The following DLG2 variants were observed in gnomAD, a reference collection of about 807,000 sequenced individuals.
The protein encoded by DLG2 is discs large MAGUK scaffold protein 2.
DLG2 carries 45 observed loss-of-function variants against 132.5 expected under a neutral mutation model. The ratio of observed to expected loss-of-function variants is 0.34; its 90% CI spans 0.27 to 0.44. The LOEUF is 0.44. Among genes scored for constraint, DLG2 ranks in the 20% least tolerant of loss-of-function variants. The pLI is 1.00. For synonymous variants in DLG2, 424 were observed against 419.6 expected, an observed-to-expected ratio of 1.01 and a Z score of -0.13; for missense variants, 1,045 against 1,196.9, an observed-to-expected ratio of 0.87 and a Z score of 1.87.
chr11:85,519,723 C>T (rs1180655754), intron 3 of DLG2, among the ~76,000 whole-genome samples: 8 of 152,088 alleles, frequency 5.3e-5, no homozygotes, highest in Admixed American at 5.2e-4. Context: ...TATGGTTTGG[C>T]TCATCCAAAT....
rs151108550 is a variant in DLG2 at position 83,939,236 on chromosome 11, T to C, written c.1341-8753A>G. 3.6e-3 allele frequency among the ~76,000 whole-genome samples: 545 copies of C among 152,338 alleles called. 3 individuals are homozygous for C. The highest frequency in any genetic ancestry group is 0.027 in the Middle Eastern group (8 of 294). ...TCCTTTGGGCCAAGTACACTCCCTG[T>C]CTATTCAGCTCTCGCTAGCAGATGA... On this transcript the variant is annotated intron_variant, in intron 14 of 27. Transcript: ENST00000376104.
chr11:84,331,909 T>A (rs2098461491), intron 7 of DLG2, among the ~76,000 whole-genome samples: 1 of 152,148 alleles, frequency 6.6e-6, no homozygotes, highest in African/African-American at 2.4e-5. Context: ...GTCCGAGACA[T>A]CCAAGTCGGA....
chr11:85,339,237 A>C (rs2082325752), intron 3 of DLG2, among the ~76,000 whole-genome samples: 1 of 152,164 alleles, frequency 6.6e-6, no homozygotes, highest in Non-Finnish European at 1.5e-5. Context: ...GATTTGCCAT[A>C]GCTTATGTAG....
At chr11:84,033,731 C>CT (rs932189823) in intron 11 of DLG2, among the ~76,000 whole-genome samples, 2 of 152,088 alleles carry the variant, frequency 1.3e-5, no homozygotes, top group African/African-American at 4.8e-5. Context: ...ACTTCAGTGT[C>CT]TTAGTTTTAA....
At chr11:84,864,912 G>T (rs1356346145) in intron 6 of DLG2, among the ~76,000 whole-genome samples, 2 of 152,080 alleles carry the variant, frequency 1.3e-5, no homozygotes, top group African/African-American at 4.8e-5. Context: ...AAGGCATGGA[G>T]ATATGAAAAT....
At chr11:83,797,801 A>C (rs2043237740) in intron 17 of DLG2, among the ~76,000 whole-genome samples, 1 of 152,186 alleles carries the variant, frequency 6.6e-6, no homozygotes, top group South Asian at 2.1e-4. Flanking sequence ...TACAGGCGTG[A>C]GCCACTGCAC....
At chr11:84,330,243 C>T (rs915502500) in intron 7 of DLG2, among the ~76,000 whole-genome samples, 5 of 152,126 alleles carry the variant, frequency 3.3e-5, no homozygotes, top group Admixed American at 6.5e-5. Context: ...AACTGAATGT[C>T]AGGATTCCAT....
chr11:84,780,997 CAA>C (rs372443245), intron 6 of DLG2, among the ~76,000 whole-genome samples: 1,334 of 93,962 alleles, frequency 0.014, 6 homozygotes, highest in African/African-American at 0.02. Context: ...CAGGATTGTA[CAA>C]AAAAAAAAAA....
chr11:83,667,214 T>C (rs1289659263), intron 18 of DLG2, among the ~76,000 whole-genome samples: 2 of 152,222 alleles, frequency 1.3e-5, no homozygotes, highest in African/African-American at 4.8e-5. Context: ...TTTCTTAGTG[T>C]ATCCAATGAG....
chr11:83,664,425 A>G (rs1592013310), intron 18 of DLG2, among the ~76,000 whole-genome samples: 1 of 146,850 alleles, frequency 6.8e-6, no homozygotes, highest in Admixed American at 6.8e-5. Flanking sequence ...GTCAAACCTC[A>G]CTTTTTTTTT....
At chr11:84,945,754 C>T (rs556671196) in intron 6 of DLG2, among the ~76,000 whole-genome samples, 4 of 152,116 alleles carry the variant, frequency 2.6e-5, no homozygotes, top group Non-Finnish European at 5.9e-5. Flanking sequence ...TTCTTGGCCA[C>T]CCTTGCTGGT....
chr11:83,492,229 C>A (rs1349077591), intron 21 of DLG2, among the ~76,000 whole-genome samples: 1 of 152,092 alleles, frequency 6.6e-6, no homozygotes, highest in Non-Finnish European at 1.5e-5. Context: ...CTCTGTTGAT[C>A]TTCCCATTAG....
chr11:83,743,237 T>A (rs2092661208), intron 18 of DLG2, among the ~76,000 whole-genome samples: 1 of 152,106 alleles, frequency 6.6e-6, no homozygotes, highest in Non-Finnish European at 1.5e-5. Context: ...TCTAAACCAG[T>A]AACTTCTAGC....
chr11:83,515,697 G>A (rs2095267223), intron 21 of DLG2, among the ~76,000 whole-genome samples: 1 of 152,218 alleles, frequency 6.6e-6, no homozygotes, highest in Admixed American at 6.5e-5. Context: ...TGCTTTGAAT[G>A]TGTCCCAGAG....
intron 16 of DLG2, among the ~76,000 whole-genome samples, chr11:83,872,527 G>T (rs188400819): frequency 4.6e-5 from 7 of 152,068 alleles, no homozygotes; most frequent in Non-Finnish European, 8.8e-5. Flanking sequence ...TTTGTAAAAG[G>T]AGTCACTCTG....
At chr11:83,781,981 T>C (rs1185605679) in intron 18 of DLG2, among the ~76,000 whole-genome samples, 2 of 152,210 alleles carry the variant, frequency 1.3e-5, no homozygotes, top group Non-Finnish European at 2.9e-5. Context: ...AAAGTTGAGT[T>C]TCAGAACTTG....
chr11:84,819,106 C>CACA (rs769677741), intron 6 of DLG2, among the ~76,000 whole-genome samples: 67 of 150,562 alleles, frequency 4.4e-4, no homozygotes, highest in Admixed American at 7.3e-4. Flanking sequence ...CACACACACA[C>CACA]AATTTCGTTT....
At chr11:84,715,315 G>A (rs1280285133) in intron 6 of DLG2, among the ~76,000 whole-genome samples, 1 of 151,936 alleles carries the variant, frequency 6.6e-6, no homozygotes, top group Non-Finnish European at 1.5e-5. Flanking sequence ...TAGTGAAATG[G>A]TTACTACAGC....
At chr11:85,502,418 T>C (rs1260342274) in intron 3 of DLG2, among the ~76,000 whole-genome samples, 4 of 149,488 alleles carry the variant, frequency 2.7e-5, no homozygotes, top group Non-Finnish European at 4.4e-5. Flanking sequence ...ACTTAAAGTA[T>C]AATAAAAAGA....
Sources: allele counts gnomAD v4.1 joint callset (sites outside exome capture counted in the v4.1 genomes callset), GRCh38; gene constraint gnomAD v4.1.1; transcripts MANE v1.5; gene names NCBI Gene and HGNC (gene_info 2026-07-23, HGNC 2026-07-21).